TMBIM1: variants seen among roughly 807,000 people sequenced by gnomAD.
TMBIM1 encodes protein lifeguard 3.
TMBIM1 carries 34 observed loss-of-function variants against 45.1 expected under a neutral mutation model. The ratio of observed to expected loss-of-function variants is 0.75; its 90% confidence interval spans 0.57 to 1.00. The LOEUF (loss-of-function observed/expected upper bound fraction) is 1.00, where lower values mean the gene tolerates loss of function less well. Among genes scored for constraint, TMBIM1 ranks in the 50% least tolerant of loss-of-function variants. The pLI, the probability that TMBIM1 is intolerant of heterozygous loss-of-function variation, is 0.00. For missense variants in TMBIM1, 374 were observed against 402.4 expected (o/e 0.93, Z 0.60); for synonymous variants, 157 against 153.5 (o/e 1.02, Z -0.17).
rs116439217 is a variant in TMBIM1, at chr2:218,282,001, G to A, written c.141C>T (p.Tyr47=). ...GCTGTGGGTAGCCAGCAGGGTGACC[G>A]TAGCCAGGCTGCGGGTAGCCAGGGT... is the stretch of plus-strand genomic sequence containing the variant. ...PAYPGYPQPG[Y]GHPAGYPQPM... Residue 47 remains tyrosine, a synonymous_variant, in exon 2 of 12, where the codon TAC becomes TAT. Transcript: ENST00000258412. 0.03 allele frequency: 48,751 copies of A among 1,607,032 alleles called. 868 individuals are homozygous for A. The highest frequency in any genetic ancestry group is 0.046 in the African/African-American group (3,438 of 74,890).
At chr2:218,277,814 C>A in intron 7 of TMBIM1, 121 bp downstream of exon 7, 2 of 1,540,644 alleles carry the variant, frequency 1.3e-6, no homozygotes, top group East Asian at 2.3e-5. Flanking sequence ...TCAGAACAGG[C>A]GGCCCAGATA....
At chr2:218,286,670 A>C (rs1289652623) in intron 1 of TMBIM1, 1 of 152,192 alleles carries the variant, frequency 6.6e-6, no homozygotes, top group Non-Finnish European at 1.5e-5. Context: ...CTGTCTGCCT[A>C]CTGAGGCCCC....
chr2:218,283,098 C>A (rs1257018839), intron 1 of TMBIM1, among the ~76,000 whole-genome samples: 2 of 152,152 alleles, frequency 1.3e-5, no homozygotes. Flanking sequence ...GGACAAAGAG[C>A]TGAGGAGTCA....
At position 218,282,044 on chromosome 2, in the gene TMBIM1, G is replaced by A. The variant is rs1692065583; in HGVS notation, c.98C>T (p.Pro33Leu). The A allele has an allele frequency of 6.2e-7, 1 of 1,605,700 alleles. No homozygotes were observed. The highest frequency in any genetic ancestry group is 8.5e-7 in the Non-Finnish European group (1 of 1,177,318). Reference protein sequence around the residue: ...PGGYGQPSVLPGGYPAYPGYP... With the variant: ...PGGYGQPSVLLGGYPAYPGYP... ...GCCAGGGTAGGCAGGATACCCTCCT[G>A]GCAGGACAGATGGCTGCCCATAGCC... The change falls in exon 2 of 12, where the codon CCA becomes CTA. Residue 33 changes from proline (P) to leucine (L), a missense_variant. Pro to Leu is a moderately conservative substitution (Grantham distance 98, BLOSUM62 -3). Transcript: ENST00000258412.
chr2:218,277,435 G>A lies in TMBIM1; in HGVS notation c.570C>T (p.Ala190=), dbSNP rs528624758. 2.7e-5 allele frequency: 43 copies of A among 1,614,162 alleles called. No individual in the cohort carries two copies. Among genetic ancestry groups the A allele is most frequent in the South Asian group, 2.0e-4 (18 of 91,088 alleles). Residue 190 remains alanine, a synonymous_variant, in exon 9 of 12, where the codon GCC becomes GCT. Coordinates refer to ENST00000258412, the MANE Select transcript of TMBIM1 (RefSeq NM_022152.6). ...CAGTGATGATCATTGCAATGATGAC[G>A]GCTTTGGTTTGGTACATACTGGGGA... is the stretch of plus-strand genomic sequence containing the variant. ...GTISSMYQTK[A]VIIAMIITAV... is the part of the protein sequence containing the mutation.
At chr2:218,278,210 A>C in intron 6 of TMBIM1, 1 of 609,066 alleles carries the variant, frequency 1.6e-6, no homozygotes. Context: ...TGCAACTCTT[A>C]AACTGACTGC....
chr2:218,288,810 A>C (rs1019907898), intron 1 of TMBIM1, among the ~76,000 whole-genome samples: 2 of 152,110 alleles, frequency 1.3e-5, no homozygotes, highest in African/African-American at 4.8e-5. Context: ...GGGGTGGGTA[A>C]AAGAAAAGGG....
At chr2:218,279,562 T>TC (rs1435456300) in intron 3 of TMBIM1, 2 of 531,446 alleles carry the variant, frequency 3.8e-6, no homozygotes, top group Admixed American at 7.2e-5. Flanking sequence ...TCCCCTCCTG[T>TC]CCAACACCAG....
intron 2 of TMBIM1, chr2:218,280,867 A>C (rs1367920417): frequency 1.4e-5 from 2 of 139,104 alleles, no homozygotes; most frequent in Non-Finnish European, 3.0e-5. Flanking sequence ...GCTGGAGTGC[A>C]AAGGCGTGAT....
rs1691367928 is a variant in TMBIM1 at position 218,277,669 on chromosome 2, G to C, written c.515C>G (p.Thr172Ser). 1.4e-5 allele frequency: 22 copies of C among 1,614,170 alleles called. No homozygotes were observed. The highest frequency in any genetic ancestry group is 1.7e-5 in the Non-Finnish European group (20 of 1,180,024). Residue 172 changes from threonine to serine, a missense_variant and splice_region_variant, in exon 8 of 12, where the codon ACT (threonine) becomes AGT (serine). By Grantham distance (58) the Thr-to-Ser change is moderately conservative (BLOSUM62 1). Coordinates refer to ENST00000258412, the MANE Select transcript of TMBIM1 (RefSeq NM_022152.6). Reference protein sequence around the residue: ...PWNIILLTLFTFAMGFMTGTI... With the variant: ...PWNIILLTLFSFAMGFMTGTI... ...GCCCGTCATGAAGCCCATGGCAAAA[G>C]TCTAAGGGAAGGAGAGAGACAAGAA...
chr2:218,282,683 T>G (rs1692142732), intron 1 of TMBIM1, among the ~76,000 whole-genome samples: 1 of 152,028 alleles, frequency 6.6e-6, no homozygotes, highest in Admixed American at 6.5e-5. Flanking sequence ...AGGCTCAAAG[T>G]GGAGAGCCGG....
intron 11 of TMBIM1, 32 bp downstream of exon 11, chr2:218,275,994 G>T: frequency 6.2e-7 from 1 of 1,601,092 alleles, no homozygotes; most frequent in Non-Finnish European, 8.5e-7. Flanking sequence ...CATCCCCTCA[G>T]CTCCCCTTCC....
chr2:218,284,984 G>A (rs1441449253), intron 1 of TMBIM1, among the ~76,000 whole-genome samples: 1 of 152,154 alleles, frequency 6.6e-6, no homozygotes, highest in Non-Finnish European at 1.5e-5. Context: ...CAGTTACTCG[G>A]GAGGCTGAGG....
At chr2:218,283,675 G>A (rs888568344) in intron 1 of TMBIM1, among the ~76,000 whole-genome samples, 1 of 152,174 alleles carries the variant, frequency 6.6e-6, no homozygotes, top group Non-Finnish European at 1.5e-5. Flanking sequence ...TGCATAGTTC[G>A]GGGATCAAAT....
At position 218,275,433 on chromosome 2, in the gene TMBIM1, G is replaced by C. The variant is rs563258520; in HGVS notation, c.*42C>G. ...TCATAGGGCCCAGCCCTCTAGCTTGGAAGGGAGAGCCCAGGATCGGGTGAA... is the reference window on the plus strand; with the variant it reads ...TCATAGGGCCCAGCCCTCTAGCTTGCAAGGGAGAGCCCAGGATCGGGTGAA... On this transcript the variant is annotated 3_prime_UTR_variant, in exon 12 of 12. Transcript: ENST00000258412. 6.5e-5 allele frequency: 104 copies of C among 1,590,920 alleles called. 1 individual carries two copies. The East Asian group carries it at 2.1e-3, about 33-fold the overall frequency.
chr2:218,278,183 A>C (rs1421627693), intron 6 of TMBIM1: 2 of 621,890 alleles, frequency 3.2e-6, no homozygotes, highest in African/African-American at 1.8e-5. Context: ...GTGGCGCCAG[A>C]AACACCTGGA....
At chr2:218,281,619 G>A (rs753946744) in intron 2 of TMBIM1, among the ~76,000 whole-genome samples, 3 of 152,230 alleles carry the variant, frequency 2.0e-5, no homozygotes, top group Non-Finnish European at 4.4e-5. Context: ...TTGGCCGCTT[G>A]TTGGGAAACA....
At chr2:218,283,930 A>G (rs6757595) in intron 1 of TMBIM1, 151,802 of 152,300 alleles carry the variant, frequency 1, 75,656 homozygotes, top group East Asian at 1. Context: ...ACTTTAGAAG[A>G]CTGAAGTGGG....
intron 6 of TMBIM1, 49 bp from the exon 7 acceptor site, chr2:218,278,023 G>A (rs368000042): frequency 5.2e-5 from 83 of 1,605,400 alleles, no homozygotes; most frequent in African/African-American, 2.0e-4. Flanking sequence ...CCCCTCAGGC[G>A]TCAGAGGCTC....
Sources: allele counts gnomAD v4.1 joint callset (sites outside exome capture counted in the v4.1 genomes callset), GRCh38; gene constraint gnomAD v4.1.1; transcripts MANE v1.5; gene names NCBI Gene and HGNC (gene_info 2026-07-23, HGNC 2026-07-21).